Variants in NCEH1 observed in about 807,000 individuals in gnomAD.
NCEH1 encodes neutral cholesterol ester hydrolase 1.
A neutral mutation model predicts 25.4 loss-of-function variants in NCEH1; 9 were observed. That is an observed-to-expected ratio of 0.35 (90% CI 0.21 to 0.62). The LOEUF (loss-of-function observed/expected upper bound fraction) is 0.62. NCEH1 is among the 20% of genes least tolerant of loss of function. The probability of loss-of-function intolerance (pLI) is 0.72; values close to 1 mark genes in which losing one functional copy is unlikely to be tolerated. For synonymous variants in NCEH1, 200 were observed against 199.8 expected (o/e 1.00, Z -0.01); for missense variants, 412 against 501.1 (o/e 0.82, Z 1.70).
chr3:172,687,955 T>A (rs1712791491), intron 1 of NCEH1, among the ~76,000 whole-genome samples: 2 of 152,174 alleles, frequency 1.3e-5, no homozygotes, highest in South Asian at 4.1e-4. Flanking sequence ...AACCAAGGCA[T>A]AAAATTAGAA....
intron 1 of NCEH1, among the ~76,000 whole-genome samples, chr3:172,675,058 C>T (rs992687548): frequency 2.6e-5 from 4 of 152,016 alleles, no homozygotes; most frequent in Non-Finnish European, 4.4e-5. Flanking sequence ...GCCTATAATC[C>T]CGGCACCTTG....
intron 2 of NCEH1, among the ~76,000 whole-genome samples, chr3:172,647,292 C>T (rs1245680263): frequency 2.0e-5 from 3 of 152,188 alleles, no homozygotes; most frequent in Admixed American, 2.0e-4. Flanking sequence ...TGTTTGGCTG[C>T]CTGCCATTTT....
At chr3:172,664,454 C>G (rs1476882599) in intron 1 of NCEH1, among the ~76,000 whole-genome samples, 1 of 152,126 alleles carries the variant, frequency 6.6e-6, no homozygotes, top group Non-Finnish European at 1.5e-5. Flanking sequence ...TTGCTCTTCA[C>G]GAGGAGTATC....
At chr3:172,692,281 A>G (rs951654048) in intron 1 of NCEH1, among the ~76,000 whole-genome samples, 3 of 152,210 alleles carry the variant, frequency 2.0e-5, no homozygotes, top group Non-Finnish European at 4.4e-5. Flanking sequence ...ATTGTTTTCA[A>G]TCAAATTATA....
intron 1 of NCEH1, among the ~76,000 whole-genome samples, chr3:172,654,050 C>T (rs563269810): frequency 7.4e-4 from 112 of 152,152 alleles, no homozygotes; most frequent in African/African-American, 2.5e-3. Context: ...CCACCGTGCC[C>T]GGCCTGGAAA....
chr3:172,640,354 A>T (rs1051356141), intron 3 of NCEH1, among the ~76,000 whole-genome samples: 1 of 152,204 alleles, frequency 6.6e-6, no homozygotes, highest in African/African-American at 2.4e-5. Flanking sequence ...AAACAAATCA[A>T]TAATTAAATC....
chr3:172,630,930 T>C lies in NCEH1; in HGVS notation c.*2545A>G, dbSNP rs1236556648. The C allele has an allele frequency of 6.7e-6, 1 of 149,612 alleles. No homozygotes were observed. Among genetic ancestry groups the C allele is most frequent in the Non-Finnish European group, 1.5e-5 (1 of 66,894 alleles). 9.3% of individuals were successfully genotyped at this position (149,612 alleles called of 1,614,324 possible). A position where few individuals can be genotyped will look rare whatever the true frequency, so the allele number is the denominator to read the frequency against. On this transcript the variant is annotated 3_prime_UTR_variant, in exon 5 of 5. Coordinates refer to ENST00000475381, the MANE Select transcript of NCEH1 (RefSeq NM_020792.6). ...ACTATACAGCACTTCAAGGTTTTTC[T>C]TTATATATTAATGTTTATATTTCAC... is the stretch of plus-strand genomic sequence containing the variant.
intron 1 of NCEH1, among the ~76,000 whole-genome samples, chr3:172,687,580 A>G (rs1712770022): frequency 6.6e-6 from 1 of 152,252 alleles, no homozygotes; most frequent in Non-Finnish European, 1.5e-5. Context: ...ACTAATGGAA[A>G]TGAGTAAAAC....
chr3:172,683,460 A>G (rs1712519759), intron 1 of NCEH1, among the ~76,000 whole-genome samples: 2 of 151,388 alleles, frequency 1.3e-5, no homozygotes, highest in African/African-American at 4.8e-5. Context: ...ATTTGAGCCC[A>G]GGAGTTCAAG....
In NCEH1 at chr3:172,631,903, A is replaced by C. The variant is rs1716374042; in HGVS notation, c.*1572T>G. On this transcript the variant is annotated 3_prime_UTR_variant, in exon 5 of 5. Transcript: ENST00000475381. ...TCGGGGAAGAAGGAAGGACGGCAGG[A>C]AGGCAGGCAGAGATCCTCAACTCAA... 1 of 152,720 alleles carries C rather than the reference A, an allele frequency of 6.5e-6. No homozygotes were observed. The highest frequency in any genetic ancestry group is 1.5e-5 in the Non-Finnish European group (1 of 68,098). The allele number at this position is 152,720 out of a possible 1,614,324, so 9.5% of individuals were successfully genotyped here. A position where few individuals can be genotyped will look rare whatever the true frequency, so the allele number is the denominator to read the frequency against.
At chr3:172,671,105 T>TGTGACA (rs58007112) in intron 1 of NCEH1, among the ~76,000 whole-genome samples, 16,000 of 152,108 alleles carry the variant, frequency 0.11, 2,606 homozygotes, top group African/African-American at 0.35. Context: ...TCAGATGACA[T>TGTGACA]GTGACAATAT....
chr3:172,647,558 T>C (rs771256565), intron 2 of NCEH1, among the ~76,000 whole-genome samples: 22 of 152,358 alleles, frequency 1.4e-4, no homozygotes, highest in Admixed American at 1.3e-4. Flanking sequence ...TGCAGAAAGC[T>C]GTATCAGCAC....
chr3:172,633,428 G>A lies in NCEH1; in HGVS notation c.*47C>T, dbSNP rs986824016. On this transcript the variant is annotated 3_prime_UTR_variant, in exon 5 of 5. Coordinates refer to ENST00000475381, the MANE Select transcript of NCEH1 (RefSeq NM_020792.6). ...AAAAGTGCATGTCTTTCCAAAGCAG[G>A]TGTAGGAGGTCAAGAGGGGCTCGAG... 6.4e-7 allele frequency: 1 copy of A among 1,568,564 alleles called. No individual in the cohort carries two copies. The highest frequency in any genetic ancestry group is 8.7e-7 in the Non-Finnish European group (1 of 1,153,282).
intron 1 of NCEH1, among the ~76,000 whole-genome samples, chr3:172,701,968 T>TGG (rs1275230978): frequency 6.6e-6 from 1 of 152,110 alleles, no homozygotes; most frequent in African/African-American, 2.4e-5. Context: ...TCTAAACCAC[T>TGG]TGTAGTTCCT....
At chr3:172,703,527 C>CAA (rs11462899) in intron 1 of NCEH1, among the ~76,000 whole-genome samples, 863 of 80,544 alleles carry the variant, frequency 0.011, 36 homozygotes, top group Middle Eastern at 0.034. Context: ...GACTCTGTCT[C>CAA]AAAAAAAAAA....
At chr3:172,647,815 C>A (rs1480175427) in intron 2 of NCEH1, 71 bp downstream of exon 2, 1 of 1,583,740 alleles carries the variant, frequency 6.3e-7, no homozygotes, top group Non-Finnish European at 8.6e-7. Context: ...ACTAAGAAAG[C>A]CAAACTCAGT....
chr3:172,634,334 G>A (rs1462136471), intron 4 of NCEH1, among the ~76,000 whole-genome samples: 1 of 152,174 alleles, frequency 6.6e-6, no homozygotes, highest in African/African-American at 2.4e-5. Context: ...TCAGTTTTGA[G>A]TGAACCCTGT....
chr3:172,676,571 CT>C (rs58696099), intron 1 of NCEH1, among the ~76,000 whole-genome samples: 41,514 of 152,034 alleles, frequency 0.27, 6,036 homozygotes, highest in Non-Finnish European at 0.32. Context: ...TAAGCAACCA[CT>C]TTTCCTGCCA....
chr3:172,644,992 A>C (rs916207992), intron 3 of NCEH1, among the ~76,000 whole-genome samples: 8 of 152,222 alleles, frequency 5.3e-5, no homozygotes, highest in African/African-American at 9.6e-5. Flanking sequence ...GACCTAAAGA[A>C]GAAGAGACAC....
Sources: allele counts gnomAD v4.1 joint callset (sites outside exome capture counted in the v4.1 genomes callset), GRCh38; gene constraint gnomAD v4.1.1; transcripts MANE v1.5; gene names NCBI Gene and HGNC (gene_info 2026-07-23, HGNC 2026-07-21).